Variants in TENM2 observed in about 807,000 individuals in gnomAD.
The protein encoded by TENM2 is teneurin-2.
A neutral mutation model predicts 245.2 loss-of-function variants in TENM2; 52 were observed. That is an observed-to-expected ratio of 0.21 (90% confidence interval 0.17 to 0.27). The LOEUF (loss-of-function observed/expected upper bound fraction) is 0.27, where lower values mean the gene tolerates loss of function less well. TENM2 is among the 10% of genes least tolerant of loss of function. TENM2 has a pLI of 1.00. For missense variants in TENM2, 3,046 were observed against 3,666.8 expected (o/e 0.83, Z 4.37); for synonymous variants, 1,363 against 1,438.9 (o/e 0.95, Z 1.19).
At chr5:167,380,977 T>A (rs1232139036) in intron 2 of TENM2, among the ~76,000 whole-genome samples, 1 of 152,102 alleles carries the variant, frequency 6.6e-6, no homozygotes, top group Non-Finnish European at 1.5e-5. Context: ...GCATTGAGAA[T>A]TAAGGTCATA....
chr5:166,996,760 C>T, the TENM2 span, among the ~76,000 whole-genome samples: 1 of 152,138 alleles, frequency 6.6e-6, no homozygotes, highest in South Asian at 2.1e-4. Flanking sequence ...GATGCTATTC[C>T]TTATGTAGCT....
chr5:167,155,189 A>G, the TENM2 span, among the ~76,000 whole-genome samples: 32 of 152,204 alleles, frequency 2.1e-4, no homozygotes, highest in Non-Finnish European at 3.2e-4. Flanking sequence ...TGAAACAAAC[A>G]AAAAAGAGTT....
intron 9 of TENM2, among the ~76,000 whole-genome samples, chr5:168,104,335 T>G (rs1794073673): frequency 1.3e-5 from 2 of 152,150 alleles, no homozygotes; most frequent in Non-Finnish European, 2.9e-5. Flanking sequence ...GGCCTGTCCT[T>G]CTTTCTTGAT....
intron 2 of TENM2, among the ~76,000 whole-genome samples, chr5:167,867,233 G>A (rs1772399068): frequency 6.6e-6 from 1 of 152,182 alleles, no homozygotes; most frequent in African/African-American, 2.4e-5. Flanking sequence ...GAAAGGGCTA[G>A]CATTAGAAAA....
chr5:168,228,161 G>T, intron 25 of TENM2, 31 bp downstream of exon 27: 2 of 1,544,046 alleles, frequency 1.3e-6, no homozygotes, highest in Non-Finnish European at 1.8e-6. Context: ...TGTTACCACA[G>T]AGTGGGAGGG....
At chr5:167,148,005 C>T in the TENM2 span, among the ~76,000 whole-genome samples, 2 of 152,148 alleles carry the variant, frequency 1.3e-5, no homozygotes. Context: ...CCATGCCTGC[C>T]ACTTATCTCT....
chr5:167,833,114 G>A (rs1464212990), intron 2 of TENM2, among the ~76,000 whole-genome samples: 1 of 151,684 alleles, frequency 6.6e-6, no homozygotes, highest in African/African-American at 2.4e-5. Flanking sequence ...GTTGGGAATG[G>A]GAAACAAGAC....
intron 13 of TENM2, among the ~76,000 whole-genome samples, chr5:168,168,554 T>C (rs1229026711): frequency 2.6e-5 from 4 of 152,082 alleles, no homozygotes; most frequent in African/African-American, 9.7e-5. Flanking sequence ...CATCCTGGCA[T>C]GCGCCTGTAG....
At chr5:167,341,359 G>A (rs544608658) in intron 1 of TENM2, among the ~76,000 whole-genome samples, 6 of 151,810 alleles carry the variant, frequency 4.0e-5, no homozygotes, top group Admixed American at 1.3e-4. Flanking sequence ...CCAAACTACC[G>A]GGATATCTGT....
chr5:167,465,546 C>T (rs1187369641), intron 2 of TENM2, among the ~76,000 whole-genome samples: 1 of 152,150 alleles, frequency 6.6e-6, no homozygotes, highest in Non-Finnish European at 1.5e-5. Flanking sequence ...GAAACATGCC[C>T]GGGCCGGGCG....
intron 25 of TENM2, among the ~76,000 whole-genome samples, chr5:168,243,388 T>A (rs1437081159): frequency 1.3e-5 from 2 of 152,222 alleles, no homozygotes; most frequent in Non-Finnish European, 2.9e-5. Context: ...ATCCCTTTGT[T>A]GGAAATCCCC....
the TENM2 span, among the ~76,000 whole-genome samples, chr5:167,056,784 T>TCTC: frequency 6.0e-5 from 9 of 149,918 alleles, no homozygotes; most frequent in South Asian, 4.2e-4. Flanking sequence ...TTTTTTCTCT[T>TCTC]CTCCTCCTCC....
intron 2 of TENM2, among the ~76,000 whole-genome samples, chr5:167,674,844 A>G (rs951894552): frequency 6.6e-6 from 1 of 152,120 alleles, no homozygotes; most frequent in African/African-American, 2.4e-5. Flanking sequence ...AGCTGGTCAC[A>G]TTGTCAGCAT....
At chr5:167,569,078 CTTTTTTTTTTTT>C (rs34311803) in intron 2 of TENM2, among the ~76,000 whole-genome samples, 5 of 48,952 alleles carry the variant, frequency 1.0e-4, no homozygotes, top group African/African-American at 2.8e-4. Flanking sequence ...CTTCCTACAG[CTTTTTTTTTTTT>C]TTTTTTTTTT....
chr5:167,064,679 G>A, the TENM2 span, among the ~76,000 whole-genome samples: 5 of 152,100 alleles, frequency 3.3e-5, no homozygotes, highest in Admixed American at 2.0e-4. Flanking sequence ...ATTAACCATC[G>A]AGGTAGTACC....
intron 1 of TENM2, chr5:167,306,497 AAAAC>A (rs1419693707): frequency 6.6e-5 from 10 of 152,252 alleles, no homozygotes; most frequent in Admixed American, 5.9e-4. Context: ...CTTAAAAAAA[AAAAC>A]AACAACTAGA....
intron 3 of TENM2, among the ~76,000 whole-genome samples, chr5:167,911,249 G>A (rs777644080): frequency 3.3e-5 from 5 of 152,080 alleles, no homozygotes; most frequent in Non-Finnish European, 7.4e-5. Flanking sequence ...CTCAAGGGCC[G>A]GGCACGGTGG....
chr5:168,180,909 T>TA (rs5873093), intron 13 of TENM2, among the ~76,000 whole-genome samples: 37,460 of 148,590 alleles, frequency 0.25, 5,807 homozygotes, highest in East Asian at 0.62. Flanking sequence ...TCTTAAAATT[T>TA]AAAAAAAAAA....
chr5:168,128,521 C>T (rs1441282987), intron 12 of TENM2, among the ~76,000 whole-genome samples: 1 of 152,214 alleles, frequency 6.6e-6, no homozygotes, highest in East Asian at 1.9e-4. Context: ...CCAACCTCAC[C>T]TCCCCTTTGC....
Sources: gnomAD v4.1 joint callset for allele counts (sites outside exome capture counted in the v4.1 genomes callset) on GRCh38, gnomAD v4.1.1 for gene constraint, MANE v1.5 for transcripts, NCBI Gene and HGNC (gene_info 2026-07-23, HGNC 2026-07-21) for gene names.